EDA: variants seen among roughly 807,000 people sequenced by gnomAD.
The protein encoded by EDA is ectodysplasin A.
A neutral mutation model predicts 23.6 loss-of-function variants in EDA; 2 were observed. The observed-to-expected ratio is 0.08, with a 90% CI of 0.03 to 0.27. The LOEUF (loss-of-function observed/expected upper bound fraction) is 0.27, where lower values mean the gene tolerates loss of function less well. Among genes scored for constraint, EDA ranks in the 10% least tolerant of loss-of-function variants. EDA has a pLI of 1.00. For synonymous variants in EDA, 131 were observed against 132.0 expected (o/e 0.99, Z 0.05); for missense variants, 229 against 324.2 (o/e 0.71, Z 2.26).
chrX:69,949,529 A>G (rs767744128), intron 1 of EDA, among the ~76,000 whole-genome samples: 9 of 111,545 alleles, frequency 8.1e-5, no homozygotes, highest in African/African-American at 2.9e-4. Context: ...TCTGATGTAC[A>G]CTGAAGTTTG....
chrX:69,957,478 C>CAA, intron 2 of EDA: 4 of 120,654 alleles, frequency 3.3e-5, no homozygotes, highest in Admixed American at 1.1e-4. Flanking sequence ...GACTCCATCT[C>CAA]AAAAAAAAAA....
At chrX:69,693,949 A>G (rs2011251609) in intron 1 of EDA, among the ~76,000 whole-genome samples, 1 of 112,172 alleles carries the variant, frequency 8.9e-6, no homozygotes, top group Non-Finnish European at 1.9e-5. Flanking sequence ...AAATGTTCAA[A>G]TGGACCATCA....
intron 1 of EDA, among the ~76,000 whole-genome samples, chrX:69,703,688 G>A (rs2011605399): frequency 9.0e-6 from 1 of 111,540 alleles, no homozygotes; most frequent in Non-Finnish European, 1.9e-5. Flanking sequence ...GGCGGTACGT[G>A]TCTTCTGGCC....
At chrX:69,860,753 C>G (rs1198511491) in intron 1 of EDA, 1 of 506,472 alleles carries the variant, frequency 2.0e-6, no homozygotes, top group Non-Finnish European at 3.5e-6. Context: ...TCTGCATTTC[C>G]TTTATTTGAA....
chrX:69,774,871 G>A (rs1242426591), intron 1 of EDA, among the ~76,000 whole-genome samples: 3 of 110,688 alleles, frequency 2.7e-5, no homozygotes, highest in Non-Finnish European at 5.7e-5. Flanking sequence ...CCTCTGTAAG[G>A]CACCCTTCAA....
intron 1 of EDA, among the ~76,000 whole-genome samples, chrX:69,687,263 GT>G (rs75149963): frequency 0.016 from 1,543 of 96,717 alleles, 19 homozygotes; most frequent in African/African-American, 0.048. Flanking sequence ...CAATTGAGTA[GT>G]TTTTTTTTTT....
intron 1 of EDA, among the ~76,000 whole-genome samples, chrX:69,953,506 C>T (rs972688919): frequency 2.7e-5 from 3 of 111,618 alleles, no homozygotes; most frequent in African/African-American, 9.8e-5. Flanking sequence ...CAACAAATAC[C>T]ATATAACCCA....
intron 1 of EDA, among the ~76,000 whole-genome samples, chrX:69,833,088 T>C (rs988138064): frequency 1.5e-4 from 17 of 110,920 alleles, no homozygotes; most frequent in African/African-American, 9.8e-5. Context: ...TGAATAGGAG[T>C]GGTGAGAGAG....
chrX:70,015,087 C>T (rs2019927640), intron 2 of EDA, among the ~76,000 whole-genome samples: 1 of 111,361 alleles, frequency 9.0e-6, no homozygotes, highest in Admixed American at 9.6e-5. Flanking sequence ...AGATACTGTA[C>T]AAGACAACCA....
intron 1 of EDA, chrX:69,672,473 G>A (rs182992041): frequency 9.0e-6 from 1 of 111,252 alleles, no homozygotes; most frequent in East Asian, 2.9e-4. Context: ...TAAAAGTTAT[G>A]GCAGAGTCTA....
intron 1 of EDA, among the ~76,000 whole-genome samples, chrX:69,706,775 C>T (rs1233144341): frequency 1.8e-5 from 2 of 110,881 alleles, no homozygotes; most frequent in Non-Finnish European, 3.8e-5. Context: ...CAAATGAAGC[C>T]TCCAGGTAGC....
intron 1 of EDA, among the ~76,000 whole-genome samples, chrX:69,763,114 A>G (rs1352582907): frequency 8.9e-6 from 1 of 112,280 alleles, no homozygotes; most frequent in East Asian, 2.8e-4. Context: ...TTTTACAAAG[A>G]TAATTGGGAG....
At chrX:69,634,142 G>A (rs1454481451) in intron 1 of EDA, among the ~76,000 whole-genome samples, 3 of 111,972 alleles carry the variant, frequency 2.7e-5, no homozygotes, top group Non-Finnish European at 3.8e-5. Context: ...CATATTGGCC[G>A]TTTGTATATC....
chrX:69,684,843 G>A (rs947369413), intron 1 of EDA, among the ~76,000 whole-genome samples: 1 of 112,360 alleles, frequency 8.9e-6, no homozygotes, highest in Non-Finnish European at 1.9e-5. Flanking sequence ...TATTTATTCA[G>A]TGACTGTGGC....
chrX:69,844,171 C>G (rs1311397063), intron 1 of EDA, among the ~76,000 whole-genome samples: 2 of 111,437 alleles, frequency 1.8e-5, no homozygotes, highest in Non-Finnish European at 3.8e-5. Context: ...TTTTATGGTT[C>G]TTAGGCATCA....
intron 1 of EDA, among the ~76,000 whole-genome samples, chrX:69,681,034 C>T (rs1395754732): frequency 9.1e-6 from 1 of 109,436 alleles, no homozygotes; most frequent in Non-Finnish European, 1.9e-5. Flanking sequence ...CAAAATCTCT[C>T]AGCATTTGCT....
At chrX:69,759,842 G>A (rs901160741) in intron 1 of EDA, among the ~76,000 whole-genome samples, 1 of 110,188 alleles carries the variant, frequency 9.1e-6, no homozygotes, top group Admixed American at 9.8e-5. Flanking sequence ...GGGCTGGATA[G>A]TGTGTCTGAA....
At chrX:69,942,279 C>T (rs763190396) in intron 1 of EDA, among the ~76,000 whole-genome samples, 1 of 111,053 alleles carries the variant, frequency 9.0e-6, no homozygotes, top group East Asian at 2.8e-4. Flanking sequence ...TTACTATTAC[C>T]AGTGAGTTTC....
At chrX:69,708,888 C>T (rs775418969) in intron 1 of EDA, among the ~76,000 whole-genome samples, 1 of 111,296 alleles carries the variant, frequency 9.0e-6, no homozygotes, top group Non-Finnish European at 1.9e-5. Flanking sequence ...TCAAGAAATA[C>T]CTCTGTGATA....
Sources: allele counts gnomAD v4.1 joint callset (sites outside exome capture counted in the v4.1 genomes callset), GRCh38; gene constraint gnomAD v4.1.1; transcripts MANE v1.5; gene names NCBI Gene and HGNC (gene_info 2026-07-23, HGNC 2026-07-21).